Variants in GRIK2 observed in about 807,000 individuals in gnomAD.
GRIK2 encodes the protein glutamate receptor ionotropic, kainate 2.
Under a neutral mutation model 100.3 loss-of-function variants are expected in GRIK2, and 32 were observed. That is an observed-to-expected ratio of 0.32 (90% CI 0.24 to 0.43). GRIK2 has a LOEUF of 0.43. Among genes scored for constraint, GRIK2 ranks in the 20% least tolerant of loss-of-function variants. The probability of loss-of-function intolerance (pLI) is 1.00; values close to 1 mark genes in which losing one functional copy is unlikely to be tolerated. For synonymous variants in GRIK2, 417 were observed against 389.4 expected (o/e 1.07, Z -0.83); for missense variants, 843 against 1,114.9 (o/e 0.76, Z 3.47).
At chr6:101,708,493 CACAT>C in intron 7 of GRIK2, among the ~76,000 whole-genome samples, 1 of 151,666 alleles carries the variant, frequency 6.6e-6, no homozygotes, top group Non-Finnish European at 1.5e-5. Flanking sequence ...AATCCATCTA[CACAT>C]ACATTTTTAC....
intron 7 of GRIK2, among the ~76,000 whole-genome samples, chr6:101,736,788 A>G (rs148571715): frequency 6.6e-6 from 1 of 151,982 alleles, no homozygotes; most frequent in African/African-American, 2.4e-5. Flanking sequence ...TACTTATTCA[A>G]ATTTCTGTAG....
At chr6:101,694,697 T>C (rs910577936) in intron 7 of GRIK2, among the ~76,000 whole-genome samples, 2 of 152,058 alleles carry the variant, frequency 1.3e-5, no homozygotes, top group African/African-American at 4.8e-5. Flanking sequence ...GAATATGTTT[T>C]CTGGCTACTA....
At chr6:102,032,035 A>G (rs1486406549) in intron 14 of GRIK2, among the ~76,000 whole-genome samples, 1 of 151,318 alleles carries the variant, frequency 6.6e-6, no homozygotes, top group Non-Finnish European at 1.5e-5. Flanking sequence ...GCTTTTAACA[A>G]CAATTGGGTG....
At chr6:101,417,341 G>A (rs1452865048) in intron 2 of GRIK2, among the ~76,000 whole-genome samples, 1 of 152,124 alleles carries the variant, frequency 6.6e-6, no homozygotes, top group Non-Finnish European at 1.5e-5. Context: ...TGACTTACAT[G>A]TATGTAAGAA....
intron 10 of GRIK2, among the ~76,000 whole-genome samples, chr6:101,827,207 C>T (rs1284778390): frequency 2.0e-5 from 3 of 151,850 alleles, no homozygotes; most frequent in Non-Finnish European, 4.4e-5. Flanking sequence ...TATGATTATG[C>T]TTGCATAGTT....
rs150803043 is a variant in GRIK2, at chr6:101,626,405, G to T, written c.309G>T (p.Val103=). The part of the protein sequence containing the change: ...KKACDQLSLG[V]AAIFGPSHSS... ...CCTGTGATCAGCTGTCTCTTGGGGT[G>T]GCTGCCATCTTCGGGCCTTCACACA... Residue 103 remains valine, a synonymous_variant, in exon 4 of 17, where the codon GTG becomes GTT. Coordinates refer to ENST00000369134, the MANE Select transcript of GRIK2 (RefSeq NM_021956.5). The T allele has an allele frequency of 9.4e-5, 151 of 1,612,832 alleles. No individual in the cohort carries two copies. The highest frequency in any genetic ancestry group is 1.1e-4 in the Non-Finnish European group (135 of 1,179,760).
intron 14 of GRIK2, among the ~76,000 whole-genome samples, chr6:101,995,061 T>C (rs2128493316): frequency 6.6e-6 from 1 of 152,040 alleles, no homozygotes; most frequent in Admixed American, 6.6e-5. Flanking sequence ...AACTACTAAA[T>C]TGTCTATGAA....
rs761658612 is a variant in GRIK2 at position 101,928,611 on chromosome 6, T to G, written c.2064T>G (p.Gly688=). 103 of 1,588,468 alleles carry G rather than the reference T, an allele frequency of 6.5e-5. No homozygotes were observed. Among genetic ancestry groups the G allele is most frequent in the Non-Finnish European group, 8.7e-5 (101 of 1,156,902 alleles). The change falls in exon 14 of 17, where the codon GGT becomes GGG. Residue 688 remains glycine, a synonymous_variant. Transcript: ENST00000369134. The stretch of plus-strand genomic sequence containing the variant: ...TAGAATATGGAGCAGTAGAGGATGG[T>G]GCAACCATGACTTTTTTCAAGGTAA... ...TKIEYGAVED[G]ATMTFFKKSK...
At chr6:102,012,675 A>G (rs748448123) in intron 14 of GRIK2, among the ~76,000 whole-genome samples, 10 of 152,124 alleles carry the variant, frequency 6.6e-5, no homozygotes, top group Non-Finnish European at 1.3e-4. Context: ...GAAAGTAACT[A>G]TCATTTGTAT....
intron 2 of GRIK2, among the ~76,000 whole-genome samples, chr6:101,547,023 G>C (rs1276090594): frequency 6.6e-6 from 1 of 150,452 alleles, no homozygotes; most frequent in Non-Finnish European, 1.5e-5. Flanking sequence ...AGTAGAGACG[G>C]GGTTTCACCG....
rs1193552049 is a variant in GRIK2, at chr6:101,707,594, G to GTATATATATA, written c.951+21248_951+21249insATATATATAT. Among the ~76,000 whole-genome samples, 875 of 105,764 alleles carry GTATATATATA rather than the reference G, an allele frequency of 8.3e-3. 10 individuals are homozygous for GTATATATATA. Among genetic ancestry groups the GTATATATATA allele is most frequent in the Non-Finnish European group, 0.013 (661 of 52,092 alleles). 69.4% of individuals were successfully genotyped at this position (105,764 alleles called of 152,430 possible). On this transcript the variant is annotated intron_variant, in intron 7 of 16. Coordinates refer to ENST00000369134, the MANE Select transcript of GRIK2 (RefSeq NM_021956.5). ...TATGTGTATGTGTGTGTGTGTGTGTGTATATATGTGTGTATATATATATAT... is the reference window on the plus strand; with the variant it reads ...TATGTGTATGTGTGTGTGTGTGTGTGTATATATATATATATATGTGTGTATATATATATAT...
chr6:101,765,171 T>C (rs1314201093), intron 7 of GRIK2, among the ~76,000 whole-genome samples: 1 of 152,196 alleles, frequency 6.6e-6, no homozygotes, highest in African/African-American at 2.4e-5. Flanking sequence ...TTAGTGTTTT[T>C]TGTATGTGCA....
At chr6:101,912,817 G>C (rs1475185142) in intron 12 of GRIK2, among the ~76,000 whole-genome samples, 2 of 151,536 alleles carry the variant, frequency 1.3e-5, no homozygotes, top group Non-Finnish European at 3.0e-5. Flanking sequence ...TTATGAGGTA[G>C]TGTTTACAAA....
At chr6:101,579,103 A>G (rs1425253909) in intron 2 of GRIK2, among the ~76,000 whole-genome samples, 1 of 152,140 alleles carries the variant, frequency 6.6e-6, no homozygotes, top group Non-Finnish European at 1.5e-5. Flanking sequence ...AAAAGCACAT[A>G]GTAAATGCCT....
At chr6:101,554,520 A>G (rs1776651702) in intron 2 of GRIK2, among the ~76,000 whole-genome samples, 1 of 152,148 alleles carries the variant, frequency 6.6e-6, no homozygotes, top group Non-Finnish European at 1.5e-5. Flanking sequence ...AAAATCACTC[A>G]AATCCCTTCT....
At chr6:101,915,143 C>A (rs1033083904) in intron 12 of GRIK2, among the ~76,000 whole-genome samples, 1 of 151,252 alleles carries the variant, frequency 6.6e-6, no homozygotes, top group African/African-American at 2.4e-5. Context: ...CTGTGTGACT[C>A]AAAACTAATG....
intron 2 of GRIK2, among the ~76,000 whole-genome samples, chr6:101,549,952 A>G (rs1776427322): frequency 6.6e-6 from 1 of 152,170 alleles, no homozygotes; most frequent in Non-Finnish European, 1.5e-5. Context: ...TTTGCACCCA[A>G]GCCTCTGTCT....
At chr6:101,496,060 C>G (rs1040502139) in intron 2 of GRIK2, among the ~76,000 whole-genome samples, 6 of 152,104 alleles carry the variant, frequency 3.9e-5, no homozygotes, top group Admixed American at 1.3e-4. Flanking sequence ...ATTCTCATGC[C>G]TCAGCTTCCC....
rs1160504486 is a variant in GRIK2 at position 101,591,298 on chromosome 6, TG to T, written c.116-30650del. ...CTTAGTATTTCTCTCCTTTTTTTTT[TG>T]CTCTTCTAATGCCGATCATCCTTTA... On this transcript the variant is annotated intron_variant, in intron 2 of 16. Transcript: ENST00000369134. Among the ~76,000 whole-genome samples the T allele has an allele frequency of 2.0e-5, 3 of 151,922 alleles. No homozygotes were observed. In the East Asian group the frequency reaches 5.8e-4, roughly 30 times the overall value.
Sources: allele counts gnomAD v4.1 joint callset (sites outside exome capture counted in the v4.1 genomes callset), GRCh38; gene constraint gnomAD v4.1.1; transcripts MANE v1.5; gene names NCBI Gene and HGNC (gene_info 2026-07-23, HGNC 2026-07-21).